Variants in KCNQ5 observed in about 807,000 individuals in gnomAD.
KCNQ5 encodes the protein potassium voltage-gated channel subfamily KQT member 5.
A neutral mutation model predicts 98.2 loss-of-function variants in KCNQ5; 30 were observed. The ratio of observed to expected loss-of-function variants is 0.31; its 90% CI spans 0.23 to 0.41. KCNQ5 has a LOEUF of 0.41. Among genes scored for constraint, KCNQ5 ranks in the 10% least tolerant of loss-of-function variants. KCNQ5 has a pLI of 1.00. For synonymous variants in KCNQ5, 458 were observed against 449.4 expected (o/e 1.02, Z -0.24); for missense variants, 835 against 1,182.5 (o/e 0.71, Z 4.31).
At chr6:73,120,986 A>T (rs952771530) in intron 8 of KCNQ5, among the ~76,000 whole-genome samples, 2 of 152,088 alleles carry the variant, frequency 1.3e-5, no homozygotes, top group Non-Finnish European at 2.9e-5. Flanking sequence ...GTACGTTTAG[A>T]TCTCTCAAAG....
intron 1 of KCNQ5, among the ~76,000 whole-genome samples, chr6:72,716,037 A>G (rs1186056491): frequency 6.6e-6 from 1 of 151,994 alleles, no homozygotes; most frequent in Non-Finnish European, 1.5e-5. Flanking sequence ...TTTGTAATCA[A>G]GTTATGAAGC....
intron 1 of KCNQ5, among the ~76,000 whole-genome samples, chr6:72,837,296 A>C (rs555458515): frequency 6.6e-6 from 1 of 152,194 alleles, no homozygotes; most frequent in African/African-American, 2.4e-5. Flanking sequence ...CCTACACAAA[A>C]CACACAACAA....
At chr6:73,162,601 C>T (rs1777656170) in intron 10 of KCNQ5, among the ~76,000 whole-genome samples, 1 of 152,190 alleles carries the variant, frequency 6.6e-6, no homozygotes, top group African/African-American at 2.4e-5. Flanking sequence ...AATATAGCCC[C>T]TCCTAAGTAC....
intron 1 of KCNQ5, among the ~76,000 whole-genome samples, chr6:72,806,681 T>C (rs1774977039): frequency 6.6e-6 from 1 of 152,138 alleles, no homozygotes; most frequent in African/African-American, 2.4e-5. Context: ...AATATTCCTA[T>C]TATTAAGGAA....
At chr6:72,623,399 T>TGTGTGTGC (rs2098916533) in intron 1 of KCNQ5, among the ~76,000 whole-genome samples, 1 of 151,150 alleles carries the variant, frequency 6.6e-6, no homozygotes, top group Admixed American at 6.6e-5. Flanking sequence ...AGAGTGTGTG[T>TGTGTGTGC]GTGTGTGTGT....
At chr6:72,638,022 C>T (rs573301557) in intron 1 of KCNQ5, among the ~76,000 whole-genome samples, 1 of 152,310 alleles carries the variant, frequency 6.6e-6, no homozygotes, top group East Asian at 1.9e-4. Flanking sequence ...GAAGCAGCTA[C>T]CCTAGTTATG....
intron 1 of KCNQ5, among the ~76,000 whole-genome samples, chr6:72,629,478 A>G (rs116517984): frequency 0.011 from 1,724 of 152,328 alleles, 29 homozygotes; most frequent in African/African-American, 0.04. Flanking sequence ...AAGTGTTACA[A>G]TATTAGTACT....
At chr6:72,803,022 G>A (rs1313346825) in intron 1 of KCNQ5, among the ~76,000 whole-genome samples, 1 of 152,076 alleles carries the variant, frequency 6.6e-6, no homozygotes, top group African/African-American at 2.4e-5. Flanking sequence ...AGATAATCAG[G>A]AAGATTTTCT....
intron 1 of KCNQ5, among the ~76,000 whole-genome samples, chr6:72,749,722 A>AT (rs1771582226): frequency 1.8e-5 from 1 of 55,110 alleles, no homozygotes; most frequent in Non-Finnish European, 4.8e-5. Flanking sequence ...CACTGACAAC[A>AT]TTTAAAAAAA....
intron 1 of KCNQ5, among the ~76,000 whole-genome samples, chr6:72,948,538 C>G (rs1766650007): frequency 6.6e-6 from 1 of 151,942 alleles, no homozygotes; most frequent in Non-Finnish European, 1.5e-5. Context: ...TTTTTCCTCT[C>G]AAGGTATGTA....
chr6:72,806,918 TC>T, intron 1 of KCNQ5: 1 of 382,808 alleles, frequency 2.6e-6, no homozygotes, highest in African/African-American at 2.2e-5. Context: ...TTGAAAAACT[TC>T]TTTCTATAAA....
At chr6:73,040,637 T>C (rs1364151307) in intron 2 of KCNQ5, among the ~76,000 whole-genome samples, 1 of 152,208 alleles carries the variant, frequency 6.6e-6, no homozygotes, top group Non-Finnish European at 1.5e-5. Context: ...CTATAAGTAA[T>C]TTTGAATAAC....
intron 6 of KCNQ5, among the ~76,000 whole-genome samples, chr6:73,107,828 A>G (rs1775066423): frequency 6.6e-6 from 1 of 152,254 alleles, no homozygotes; most frequent in East Asian, 1.9e-4. Context: ...CAAGAAAAGT[A>G]ACCTCTACTA....
intron 1 of KCNQ5, among the ~76,000 whole-genome samples, chr6:72,688,954 T>C (rs1388542316): frequency 6.6e-6 from 1 of 152,128 alleles, no homozygotes; most frequent in Non-Finnish European, 1.5e-5. Flanking sequence ...CATGTTAAAG[T>C]AAAAACAATT....
intron 11 of KCNQ5, among the ~76,000 whole-genome samples, chr6:73,184,015 A>C (rs1354774773): frequency 6.6e-6 from 1 of 152,196 alleles, no homozygotes; most frequent in Non-Finnish European, 1.5e-5. Flanking sequence ...GTCTTATAAT[A>C]CTGTAAATTT....
chr6:72,798,863 C>T (rs1241496345), intron 1 of KCNQ5, among the ~76,000 whole-genome samples: 1 of 151,742 alleles, frequency 6.6e-6, no homozygotes, highest in Non-Finnish European at 1.5e-5. Context: ...ATTTTCAATC[C>T]CATTTTCCCT....
At chr6:72,655,213 G>A (rs780797433) in intron 1 of KCNQ5, among the ~76,000 whole-genome samples, 9 of 149,508 alleles carry the variant, frequency 6.0e-5, no homozygotes, top group African/African-American at 1.2e-4. Flanking sequence ...ACAATAAATC[G>A]TAATGGACAT....
chr6:72,836,627 A>G (rs1315434898), intron 1 of KCNQ5, among the ~76,000 whole-genome samples: 1 of 151,900 alleles, frequency 6.6e-6, no homozygotes, highest in Admixed American at 6.6e-5. Flanking sequence ...CTGTAGAGAC[A>G]GGGTCTCACT....
At chr6:72,954,804 C>G (rs1766968180) in intron 1 of KCNQ5, among the ~76,000 whole-genome samples, 1 of 152,136 alleles carries the variant, frequency 6.6e-6, no homozygotes, top group African/African-American at 2.4e-5. Flanking sequence ...TGTCTGACAT[C>G]TGTTTAAAAT....
Sources: gnomAD v4.1 joint callset for allele counts (sites outside exome capture counted in the v4.1 genomes callset) on GRCh38, gnomAD v4.1.1 for gene constraint, MANE v1.5 for transcripts, NCBI Gene and HGNC (gene_info 2026-07-23, HGNC 2026-07-21) for gene names.